The following ADAM12 variants were observed in gnomAD, a reference collection of about 807,000 sequenced individuals.
ADAM12 encodes the protein disintegrin and metalloproteinase domain-containing protein 12.
In ADAM12, 70 loss-of-function variants were observed where a neutral mutation model predicts 106.4. The ratio of observed to expected loss-of-function variants is 0.66; its 90% CI spans 0.54 to 0.80. The LOEUF (loss-of-function observed/expected upper bound fraction) is 0.80, where lower values mean the gene tolerates loss of function less well. Ranked by LOEUF, ADAM12 falls within the 30% of genes least tolerant of loss-of-function variation. The pLI, the probability that ADAM12 is intolerant of heterozygous loss-of-function variation, is 0.00. For synonymous variants in ADAM12, 420 were observed against 433.5 expected (o/e 0.97, Z 0.39); for missense variants, 1,010 against 1,171.9 (o/e 0.86, Z 2.02).
rs562845287 is a variant in ADAM12, at chr10:126,263,391, G to A, written c.260+15524C>T. On this transcript the variant is annotated intron_variant, in intron 3 of 22. Transcript: ENST00000448723. ...TACTTAATTTGCCTAAAGTCACAGA[G>A]CTTACAAATACCAGAGATTTCATGT... Among the ~76,000 whole-genome samples, 8 of 152,242 alleles carry A rather than the reference G, an allele frequency of 5.3e-5. No individual in the cohort carries two copies. In the South Asian group the frequency reaches 1.7e-3, roughly 32 times the overall value.
chr10:126,274,608 T>C (rs1959204838), intron 3 of ADAM12, among the ~76,000 whole-genome samples: 1 of 152,198 alleles, frequency 6.6e-6, no homozygotes, highest in African/African-American at 2.4e-5. Context: ...TTATTCCCCC[T>C]AGCTCTGCAT....
chr10:126,157,930 G>T (rs1956849447), intron 3 of ADAM12, among the ~76,000 whole-genome samples: 1 of 152,220 alleles, frequency 6.6e-6, no homozygotes. Context: ...TGTGAAGAAG[G>T]GGTAGTCCTT....
chr10:126,195,005 T>C (rs1957570370), intron 3 of ADAM12, among the ~76,000 whole-genome samples: 1 of 152,120 alleles, frequency 6.6e-6, no homozygotes, highest in South Asian at 2.1e-4. Flanking sequence ...TATTAAAAAA[T>C]CTGCACTAAT....
At chr10:126,279,961 T>C (rs1778744933) in intron 2 of ADAM12, among the ~76,000 whole-genome samples, 1 of 152,222 alleles carries the variant, frequency 6.6e-6, no homozygotes, top group South Asian at 2.1e-4. Flanking sequence ...GTACTAGGCT[T>C]GTATGAACGC....
At position 126,013,297 on chromosome 10, in the gene ADAM12, G is replaced by A. The variant is rs529265509; in HGVS notation, c.*3982C>T. 6 of 152,278 alleles carry A rather than the reference G, an allele frequency of 3.9e-5. No individual in the cohort carries two copies. The highest frequency in any genetic ancestry group is 1.3e-4 in the Admixed American group (2 of 15,294). The allele number at this position is 152,278 out of a possible 1,614,324, so 9.4% of individuals were successfully genotyped here. On this transcript the variant is annotated 3_prime_UTR_variant, in exon 23 of 23. Coordinates refer to ENST00000448723, the MANE Select transcript of ADAM12 (RefSeq NM_001288973.2). The surrounding 1 kb of genome is among the most constrained non-coding windows in gnomAD (Gnocchi z 4.3). ...CTGCACAGAAATGGTTCTCAGCATG[G>A]GGCTCCCAAACTTTCTTAGAGTGTC...
chr10:126,175,835 C>T (rs938095661), intron 3 of ADAM12, among the ~76,000 whole-genome samples: 1 of 152,204 alleles, frequency 6.6e-6, no homozygotes, highest in Non-Finnish European at 1.5e-5. Context: ...AAGGCTCTCC[C>T]TTACCACTCT....
chr10:126,266,554 G>A (rs1959101120), intron 3 of ADAM12, among the ~76,000 whole-genome samples: 1 of 152,206 alleles, frequency 6.6e-6, no homozygotes, highest in African/African-American at 2.4e-5. Context: ...TGGCAGTGCA[G>A]TGTCAAGCAC....
chr10:126,224,803 G>C (rs1958160927), intron 3 of ADAM12, among the ~76,000 whole-genome samples: 1 of 152,222 alleles, frequency 6.6e-6, no homozygotes, highest in African/African-American at 2.4e-5. Flanking sequence ...CACAGGAGAG[G>C]GGCGTGTCTG....
chr10:126,170,295 C>T (rs1421932812), intron 3 of ADAM12, among the ~76,000 whole-genome samples: 1 of 152,108 alleles, frequency 6.6e-6, no homozygotes, highest in African/African-American at 2.4e-5. Flanking sequence ...CAGACACCAG[C>T]AGGGATCCGG....
At chr10:126,375,467 G>C (rs1470528465) in intron 1 of ADAM12, among the ~76,000 whole-genome samples, 1 of 151,920 alleles carries the variant, frequency 6.6e-6, no homozygotes, top group South Asian at 2.1e-4. Context: ...ACTAAACCAT[G>C]GTTAGCTTGT....
chr10:126,176,545 G>T (rs1957222738), intron 3 of ADAM12, among the ~76,000 whole-genome samples: 1 of 152,190 alleles, frequency 6.6e-6, no homozygotes, highest in Non-Finnish European at 1.5e-5. Flanking sequence ...CTCATCTAGG[G>T]CATAGTCTAT....
chr10:126,304,745 A>G (rs1960769947), intron 2 of ADAM12, among the ~76,000 whole-genome samples: 1 of 152,132 alleles, frequency 6.6e-6, no homozygotes, highest in Non-Finnish European at 1.5e-5. Flanking sequence ...AAGAACTGTT[A>G]ATCACCTTAA....
chr10:126,026,260 G>A (rs990344208), intron 21 of ADAM12, among the ~76,000 whole-genome samples: 5 of 152,270 alleles, frequency 3.3e-5, no homozygotes, highest in Middle Eastern at 3.4e-3. Flanking sequence ...TTGCATAATG[G>A]TAAAGAGTTC....
chr10:126,192,203 T>C (rs1397829931), intron 3 of ADAM12, among the ~76,000 whole-genome samples: 1 of 152,228 alleles, frequency 6.6e-6, no homozygotes, highest in Admixed American at 6.5e-5. Flanking sequence ...TCTCTGTGAC[T>C]GCTTTTTTCA....
intron 3 of ADAM12, among the ~76,000 whole-genome samples, chr10:126,173,193 C>T (rs1476333894): frequency 4.6e-5 from 7 of 152,094 alleles, no homozygotes; most frequent in Non-Finnish European, 8.8e-5. Context: ...CACCATGGCA[C>T]GTGTATACCT....
At chr10:126,031,740 A>G (rs1564997645) in intron 21 of ADAM12, among the ~76,000 whole-genome samples, 1 of 152,200 alleles carries the variant, frequency 6.6e-6, no homozygotes, top group African/African-American at 2.4e-5. Context: ...CATATAATAC[A>G]GACAGATAAA....
intron 3 of ADAM12, among the ~76,000 whole-genome samples, chr10:126,205,502 T>C (rs976809900): frequency 1.3e-5 from 2 of 152,228 alleles, no homozygotes; most frequent in African/African-American, 2.4e-5. Context: ...CACTGGCTTG[T>C]TACCATTTCT....
intron 3 of ADAM12, among the ~76,000 whole-genome samples, chr10:126,268,748 C>A (rs1959150263): frequency 6.6e-6 from 1 of 152,162 alleles, no homozygotes; most frequent in South Asian, 2.1e-4. Context: ...GAAGTAAACA[C>A]TTCTGAAAAC....
intron 2 of ADAM12, among the ~76,000 whole-genome samples, chr10:126,304,787 C>A (rs780239841): frequency 6.6e-5 from 10 of 151,216 alleles, no homozygotes; most frequent in Non-Finnish European, 1.5e-4. Context: ...AAAATCTGAA[C>A]GTTTACAAAA....
Sources: gnomAD v4.1 joint callset for allele counts (sites outside exome capture counted in the v4.1 genomes callset) on GRCh38, gnomAD v4.1.1 for gene constraint, Gnocchi (gnomAD v3.1) non-coding constraint, MANE v1.5 for transcripts, NCBI Gene and HGNC (gene_info 2026-07-23, HGNC 2026-07-21) for gene names.